The following BLTP1 variants were observed in gnomAD, a reference collection of about 807,000 sequenced individuals.
BLTP1 encodes the protein bridge-like lipid transfer protein family member 1.
the BLTP1 span, chr4:122,324,522 A>C: frequency 6.2e-7 from 1 of 1,609,908 alleles, no homozygotes. Flanking sequence ...CTCTTAAGCG[A>C]ATGGAAAGGG....
the BLTP1 span, chr4:122,227,582 C>A: frequency 2.0e-6 from 1 of 494,470 alleles, no homozygotes; most frequent in Non-Finnish European, 2.6e-6. Context: ...CTTTCTAGTT[C>A]GTTCCTATAT....
At chr4:122,333,554 G>T in the BLTP1 span, 1 of 1,445,402 alleles carries the variant, frequency 6.9e-7, no homozygotes, top group Non-Finnish European at 9.1e-7. Flanking sequence ...TGAGTAGGTT[G>T]CGAAAAGTTT....
chr4:122,254,116 C>T, the BLTP1 span: 1 of 1,322,784 alleles, frequency 7.6e-7, no homozygotes, highest in East Asian at 2.3e-5. Flanking sequence ...AAAGGTTTTG[C>T]ACTTAAAACA....
At chr4:122,273,360 G>A in the BLTP1 span, 11 of 984,338 alleles carry the variant, frequency 1.1e-5, no homozygotes, top group African/African-American at 1.1e-4. Context: ...CCACACACAC[G>A]GTTCTCTGAA....
At chr4:122,318,263 G>A in the BLTP1 span, 1 of 1,609,724 alleles carries the variant, frequency 6.2e-7, no homozygotes, top group Non-Finnish European at 8.5e-7. Flanking sequence ...CGGAGGTCCA[G>A]TATGCGGGTG....
chr4:122,361,570 G>A, the BLTP1 span, among the ~76,000 whole-genome samples: 1 of 152,138 alleles, frequency 6.6e-6, no homozygotes, highest in Non-Finnish European at 1.5e-5. Context: ...AAGGTGGCCA[G>A]GAGCGGTTCA....
At chr4:122,300,265 C>T in the BLTP1 span, among the ~76,000 whole-genome samples, 3 of 152,144 alleles carry the variant, frequency 2.0e-5, no homozygotes, top group African/African-American at 7.2e-5. Flanking sequence ...CCATCTTAGC[C>T]TCCCAAAGTG....
the BLTP1 span, chr4:122,201,944 T>C: frequency 1.1e-5 from 9 of 806,352 alleles, no homozygotes; most frequent in African/African-American, 1.9e-5. Context: ...GGTAGTCCTC[T>C]CCTGACAATA....
At chr4:122,218,543 A>G in the BLTP1 span, among the ~76,000 whole-genome samples, 1 of 152,206 alleles carries the variant, frequency 6.6e-6, no homozygotes, top group Non-Finnish European at 1.5e-5. Context: ...TCAGAAGATA[A>G]TTTTGTCAAT....
the BLTP1 span, chr4:122,325,498 A>C: frequency 3.0e-6 from 3 of 985,016 alleles, no homozygotes; most frequent in Non-Finnish European, 3.6e-6. Flanking sequence ...ACATTTTCTG[A>C]GAGCCATGAA....
the BLTP1 span, chr4:122,209,010 A>T: frequency 1.2e-6 from 1 of 809,754 alleles, no homozygotes; most frequent in Non-Finnish European, 1.6e-6. Flanking sequence ...AAAAAGATAA[A>T]TAATACAATA....
the BLTP1 span, chr4:122,331,026 T>C: frequency 3.1e-6 from 3 of 957,862 alleles, no homozygotes; most frequent in Non-Finnish European, 3.7e-6. Flanking sequence ...TTAAATGTTA[T>C]AATTTGAGAA....
the BLTP1 span, chr4:122,298,047 TTAAAA>T: frequency 1.4e-4 from 69 of 495,078 alleles, no homozygotes; most frequent in Middle Eastern, 1.0e-3. Context: ...CCTACAGAAC[TTAAAA>T]TAAAAGGTTG....
chr4:122,333,535 T>G, the BLTP1 span: 3 of 1,321,592 alleles, frequency 2.3e-6, no homozygotes, highest in Admixed American at 9.4e-5. Flanking sequence ...ATATTAGCCC[T>G]TTGTCAGATG....
chr4:122,318,376 C>T, the BLTP1 span: 1 of 830,358 alleles, frequency 1.2e-6, no homozygotes, highest in Non-Finnish European at 1.9e-6. Flanking sequence ...CATGTAATCA[C>T]CCATTAAATC....
chr4:122,195,092 T>G, the BLTP1 span, among the ~76,000 whole-genome samples: 1 of 152,206 alleles, frequency 6.6e-6, no homozygotes, highest in Admixed American at 6.5e-5. Flanking sequence ...GACAGTTTTC[T>G]TAGCAGCCAT....
the BLTP1 span, chr4:122,235,163 T>C: frequency 1.1e-6 from 1 of 876,574 alleles, no homozygotes; most frequent in South Asian, 2.1e-5. Flanking sequence ...TAATCCACCT[T>C]TGTTTTGCAC....
the BLTP1 span, chr4:122,325,610 G>C: frequency 8.9e-7 from 1 of 1,118,894 alleles, no homozygotes; most frequent in Non-Finnish European, 1.1e-6. Flanking sequence ...TTTCAAGTGA[G>C]AATCCATATT....
the BLTP1 span, chr4:122,154,827 G>A: frequency 4.6e-5 from 11 of 237,220 alleles, no homozygotes; most frequent in South Asian, 1.1e-3. Context: ...AGCTGAGATC[G>A]CACCACTGCA....
Sources: allele counts gnomAD v4.1 joint callset (sites outside exome capture counted in the v4.1 genomes callset), GRCh38; gene constraint gnomAD v4.1.1; transcripts MANE v1.5; gene names NCBI Gene and HGNC (gene_info 2026-07-23, HGNC 2026-07-21).